Variants in ZNF493 observed in about 807,000 individuals in gnomAD.
ZNF493 encodes the protein zinc finger protein 493.
Under a neutral mutation model 12.2 loss-of-function variants are expected in ZNF493, and 11 were observed. That is an observed-to-expected ratio of 0.90 (90% CI 0.57 to 1.50). The LOEUF is 1.50. Among genes scored for constraint, ZNF493 ranks in the 40% most tolerant of loss-of-function variants. The pLI is 0.00. For synonymous variants in ZNF493, 286 were observed against 302.6 expected, an observed-to-expected ratio of 0.95 and a Z score of 0.57; for missense variants, 950 against 906.6, an observed-to-expected ratio of 1.05 and a Z score of -0.61.
intron 3 of ZNF493, among the ~76,000 whole-genome samples, chr19:21,411,166 G>A (rs1400557299): frequency 6.6e-6 from 1 of 152,096 alleles, no homozygotes; most frequent in Non-Finnish European, 1.5e-5. Flanking sequence ...CATCAGTGTT[G>A]ATGTTTTTAA....
At chr19:21,414,453 A>G (rs1398194803) in intron 3 of ZNF493, 1 of 152,258 alleles carries the variant, frequency 6.6e-6, no homozygotes, top group Non-Finnish European at 1.5e-5. Flanking sequence ...GTTAGCAACT[A>G]GGCAATCGGC....
At chr19:21,409,824 T>G (rs1275128476) in intron 3 of ZNF493, among the ~76,000 whole-genome samples, 1 of 152,124 alleles carries the variant, frequency 6.6e-6, no homozygotes, top group African/African-American at 2.4e-5. Context: ...TTACATCTTG[T>G]GAAACTAAAA....
chr19:21,406,579 T>A (rs2030137599), intron 3 of ZNF493, among the ~76,000 whole-genome samples: 1 of 152,304 alleles, frequency 6.6e-6, no homozygotes, highest in African/African-American at 2.4e-5. Context: ...TAAACTATTT[T>A]ATTAGTTCTT....
At chr19:21,415,211 G>T (rs1428128569) in intron 3 of ZNF493, among the ~76,000 whole-genome samples, 1 of 152,050 alleles carries the variant, frequency 6.6e-6, no homozygotes, top group African/African-American at 2.4e-5. Context: ...GTCTTCTCTG[G>T]GTCTATTCTA....
intron 3 of ZNF493, among the ~76,000 whole-genome samples, chr19:21,420,623 A>C (rs920941313): frequency 6.2e-5 from 1 of 16,126 alleles, no homozygotes; most frequent in Non-Finnish European, 1.1e-4. Flanking sequence ...ATATATATAT[A>C]TTTTTTTTTT....
intron 3 of ZNF493, among the ~76,000 whole-genome samples, chr19:21,421,558 T>A (rs1229280885): frequency 1.3e-5 from 2 of 151,824 alleles, no homozygotes; most frequent in African/African-American, 4.8e-5. Flanking sequence ...AGAGACAGGG[T>A]TTCTCCATGT....
rs190573380 is a variant in ZNF493, at chr19:21,407,532, G to A, written c.253+1676G>A. 7 of 542,484 alleles carry A rather than the reference G, an allele frequency of 1.3e-5. No homozygotes were observed. In the Admixed American group the frequency reaches 1.9e-4, roughly 15 times the overall value. The allele number at this position is 542,484 out of a possible 1,614,324, so 33.6% of individuals were successfully genotyped here. A position where few individuals can be genotyped will look rare whatever the true frequency, so the allele number is the denominator to read the frequency against. ...TCTCTATCTCCTGACCTCGTGATCCGCCCGCCTCAGTCTCCCAAAGTGCTG... is the reference window on the plus strand; with the variant it reads ...TCTCTATCTCCTGACCTCGTGATCCACCCGCCTCAGTCTCCCAAAGTGCTG... On this transcript the variant is annotated intron_variant, in intron 3 of 3. Coordinates refer to ENST00000392288, the MANE Select transcript of ZNF493 (RefSeq NM_001076678.3).
At chr19:21,411,807 A>G (rs2030335823) in intron 3 of ZNF493, 2 of 148,468 alleles carry the variant, frequency 1.3e-5, no homozygotes, top group Non-Finnish European at 3.0e-5. Context: ...TCTTTCACCC[A>G]AGCAAGAGTA....
Position 21,413,346 on chromosome 19 carries a change from A to G in ZNF493, c.253+7490A>G, listed in dbSNP as rs905848239. ...CAGCCAAGATAGATAAATATGCCCA[A>G]TAAGTATAATTGTTCTCTGTGTCAG... On this transcript the variant is annotated intron_variant, in intron 3 of 3. Coordinates refer to ENST00000392288, the MANE Select transcript of ZNF493 (RefSeq NM_001076678.3). 6.5e-5 allele frequency: 26 copies of G among 398,888 alleles called. No homozygotes were observed. The Admixed American group carries it at 9.0e-4, about 14-fold the overall frequency. 24.7% of individuals were successfully genotyped at this position (398,888 alleles called of 1,614,324 possible).
rs1165316431 is a variant in ZNF493 at position 21,397,298 on chromosome 19, A to C, written c.30+31A>C. The C allele has an allele frequency of 1.9e-6, 3 of 1,613,936 alleles. No homozygotes were observed. In the Admixed American group the frequency reaches 5.0e-5, roughly 27 times the overall value. ...AGTGCTGGGTCCGACATCACGAGAG[A>C]GGGGAAGGAGTTGCTCGGAACCGGT... is the stretch of plus-strand genomic sequence containing the variant. On this transcript the variant is annotated intron_variant, in intron 1 of 3. Transcript: ENST00000392288.
At chr19:21,409,506 G>A (rs1261372395) in intron 3 of ZNF493, among the ~76,000 whole-genome samples, 1 of 151,292 alleles carries the variant, frequency 6.6e-6, no homozygotes, top group African/African-American at 2.4e-5. Context: ...AAATTTGGGA[G>A]TCCAAAACAG....
intron 3 of ZNF493, among the ~76,000 whole-genome samples, chr19:21,420,421 T>G (rs2030621466): frequency 6.6e-6 from 1 of 151,030 alleles, no homozygotes; most frequent in South Asian, 2.1e-4. Flanking sequence ...TTTAATATGA[T>G]TATATGTTGT....
At chr19:21,412,699 A>G (rs577910973) in intron 3 of ZNF493, 1 of 216,436 alleles carries the variant, frequency 4.6e-6, no homozygotes, top group East Asian at 1.6e-4. Context: ...ATGGGTTACT[A>G]GCTGCTAATC....
Position 21,425,207 on chromosome 19 carries a change from A to C in ZNF493, c.*223A>C. On this transcript the variant is annotated 3_prime_UTR_variant, in exon 4 of 4. Coordinates refer to ENST00000392288, the MANE Select transcript of ZNF493 (RefSeq NM_001076678.3). ...TCTACAGATGTGAAGAATGTGGCAA[A>C]GGCTTTAATTAGTTCTCATCCCTTA... is the stretch of plus-strand genomic sequence containing the variant. The C allele has an allele frequency of 1.6e-6, 1 of 627,862 alleles. No individual in the cohort carries two copies. The allele number at this position is 627,862 out of a possible 1,614,324, so 38.9% of individuals were successfully genotyped here. A position where few individuals can be genotyped will look rare whatever the true frequency, so the allele number is the denominator to read the frequency against.
intron 2 of ZNF493, 142 bp downstream of exon 2, chr19:21,405,397 G>A (rs561590393): frequency 4.5e-5 from 66 of 1,466,992 alleles, no homozygotes; most frequent in Non-Finnish European, 5.6e-5. Context: ...AGAACTGTCC[G>A]TGTGGAAAAA....
intron 3 of ZNF493, among the ~76,000 whole-genome samples, chr19:21,410,626 C>T (rs2562402): frequency 0.94 from 143,282 of 152,204 alleles, 67,676 homozygotes; most frequent in Middle Eastern, 1. Flanking sequence ...TTTGAATTTT[C>T]TTAATGTGCG....
intron 3 of ZNF493, chr19:21,408,137 T>C (rs1308144129): frequency 1.0e-6 from 1 of 961,608 alleles, no homozygotes; most frequent in African/African-American, 1.9e-5. Context: ...TTTTTTTTTT[T>C]TTTTTTGAGA....
chr19:21,403,743 T>C (rs2030025131), intron 1 of ZNF493, among the ~76,000 whole-genome samples: 1 of 152,226 alleles, frequency 6.6e-6, no homozygotes, highest in South Asian at 2.1e-4. Context: ...CTTGCAAACC[T>C]TTACTTCCCT....
Position 21,424,350 on chromosome 19 carries a change from A to G in ZNF493, c.1691A>G (p.Lys564Arg). 1 of 1,613,640 alleles carries G rather than the reference A, an allele frequency of 6.2e-7. No homozygotes were observed. Among genetic ancestry groups the G allele is most frequent in the Non-Finnish European group, 8.5e-7 (1 of 1,179,760 alleles). Residue 564 changes from lysine (K) to arginine (R), a missense_variant, in exon 4 of 4, where the codon AAG (lysine) becomes AGG (arginine). Transcript: ENST00000392288. ...CGGTCCTCACACCTTACTACACATAAGAGAATTCATACTGGACACAAACCC... is the reference window on the plus strand; with the variant it reads ...CGGTCCTCACACCTTACTACACATAGGAGAATTCATACTGGACACAAACCC... ...FNRSSHLTTHKRIHTGHKPYK... is the reference protein window; with the variant it reads ...FNRSSHLTTHRRIHTGHKPYK...
Sources: gnomAD v4.1 joint callset for allele counts (sites outside exome capture counted in the v4.1 genomes callset) on GRCh38, gnomAD v4.1.1 for gene constraint, MANE v1.5 for transcripts, NCBI Gene and HGNC (gene_info 2026-07-23, HGNC 2026-07-21) for gene names.